Variants in SPAG16 observed in about 807,000 individuals in gnomAD.
SPAG16 encodes sperm associated antigen 16.
SPAG16 carries 86 observed loss-of-function variants against 80.4 expected under a neutral mutation model. The observed-to-expected ratio is 1.07, with a 90% confidence interval of 0.90 to 1.28. SPAG16 has a LOEUF of 1.28. Ranked by LOEUF, SPAG16 falls within the 50% of genes most tolerant of loss-of-function variation. The pLI is 0.00. For missense variants in SPAG16, 870 were observed against 765.3 expected (o/e 1.14, Z -1.61); for synonymous variants, 294 against 265.9 (o/e 1.11, Z -1.03).
At chr2:213,671,404 C>G (rs2063807242) in intron 10 of SPAG16, among the ~76,000 whole-genome samples, 1 of 152,102 alleles carries the variant, frequency 6.6e-6, no homozygotes, top group Non-Finnish European at 1.5e-5. Flanking sequence ...TCTCTAAGAA[C>G]TCTCAGAGTA....
chr2:213,976,135 T>TATATATACACACACACACACACAC (rs749957411), intron 12 of SPAG16, among the ~76,000 whole-genome samples: 1 of 81,416 alleles, frequency 1.2e-5, no homozygotes, highest in Admixed American at 1.4e-4. Flanking sequence ...TATATATATA[T>TATATATACACACACACACACACAC]ACACACACAC....
intron 10 of SPAG16, among the ~76,000 whole-genome samples, chr2:213,837,304 T>A (rs2074137133): frequency 6.6e-6 from 1 of 152,248 alleles, no homozygotes; most frequent in African/African-American, 2.4e-5. Context: ...ATACCAAGTA[T>A]AAAAGGAATT....
intron 15 of SPAG16, among the ~76,000 whole-genome samples, chr2:214,357,616 T>TTG (rs1431405890): frequency 6.6e-6 from 1 of 152,022 alleles, no homozygotes; most frequent in Non-Finnish European, 1.5e-5. Flanking sequence ...TTTTCTGATA[T>TTG]TGTCCTTTAT....
At chr2:213,337,658 C>T (rs2064438797) in intron 5 of SPAG16, among the ~76,000 whole-genome samples, 1 of 151,566 alleles carries the variant, frequency 6.6e-6, no homozygotes, top group Admixed American at 6.6e-5. Context: ...ATAAGACAGG[C>T]AGACAAGAGG....
intron 10 of SPAG16, among the ~76,000 whole-genome samples, chr2:213,768,340 G>C (rs1306753241): frequency 2.0e-5 from 3 of 152,098 alleles, no homozygotes; most frequent in African/African-American, 7.2e-5. Context: ...ATTTCATAAT[G>C]AGCCTTTCTA....
intron 10 of SPAG16, among the ~76,000 whole-genome samples, chr2:213,714,661 T>A (rs1019744794): frequency 6.6e-6 from 1 of 152,150 alleles, no homozygotes; most frequent in Admixed American, 6.5e-5. Flanking sequence ...CAAACATGAT[T>A]GTAAGAACTA....
intron 10 of SPAG16, among the ~76,000 whole-genome samples, chr2:213,839,334 A>G (rs1462303118): frequency 6.6e-6 from 1 of 152,202 alleles, no homozygotes; most frequent in Admixed American, 6.5e-5. Flanking sequence ...TAGAATTTTA[A>G]TGAAGTTATT....
intron 15 of SPAG16, among the ~76,000 whole-genome samples, chr2:214,222,110 CTTTTTTTT>C (rs10694178): frequency 4.8e-5 from 5 of 103,628 alleles, no homozygotes; most frequent in East Asian, 2.9e-4. Context: ...CCTTGCTATT[CTTTTTTTT>C]TTTTTTTTTT....
intron 6 of SPAG16, among the ~76,000 whole-genome samples, chr2:213,344,200 G>A (rs1036161024): frequency 6.6e-6 from 1 of 151,944 alleles, no homozygotes; most frequent in Non-Finnish European, 1.5e-5. Flanking sequence ...AATAGCCAGG[G>A]GTAATTTGCA....
intron 10 of SPAG16, among the ~76,000 whole-genome samples, chr2:213,756,680 T>C (rs573512270): frequency 6.6e-6 from 1 of 152,178 alleles, no homozygotes; most frequent in Non-Finnish European, 1.5e-5. Context: ...ACCCCCTAAA[T>C]GGCTAATGTA....
intron 15 of SPAG16, among the ~76,000 whole-genome samples, chr2:214,276,556 C>T (rs1248782278): frequency 6.6e-6 from 1 of 152,122 alleles, no homozygotes; most frequent in African/African-American, 2.4e-5. Context: ...ACTTACGATG[C>T]TTAGTTTGGC....
At chr2:214,123,929 T>C (rs2054350767) in intron 14 of SPAG16, among the ~76,000 whole-genome samples, 1 of 152,038 alleles carries the variant, frequency 6.6e-6, no homozygotes, top group African/African-American at 2.4e-5. Flanking sequence ...ATTGGTAATG[T>C]CACCTATACA....
At chr2:214,034,171 G>C (rs1234175410) in intron 13 of SPAG16, among the ~76,000 whole-genome samples, 1 of 152,206 alleles carries the variant, frequency 6.6e-6, no homozygotes, top group East Asian at 1.9e-4. Context: ...CCTCAGAAGT[G>C]ATGCTCTTTT....
chr2:214,042,013 C>CACAG (rs1172786622), intron 13 of SPAG16, among the ~76,000 whole-genome samples: 1,345 of 133,672 alleles, frequency 0.01, 26 homozygotes, highest in African/African-American at 0.027. Flanking sequence ...TATATACACA[C>CACAG]ACACACAAAT....
rs1159240137 is a variant in SPAG16, at chr2:213,724,776, C to CA, written c.1071-137684dup. On this transcript the variant is annotated intron_variant, in intron 10 of 15. Coordinates refer to ENST00000331683, the MANE Select transcript of SPAG16 (RefSeq NM_024532.5). ...TGGGTGACAGAGTGAGACTCTGTCT[C>CA]AAAAAAAAAAAAAAAAAAAAAAAAA... Among the ~76,000 whole-genome samples, 86 of 39,850 alleles carry CA rather than the reference C, an allele frequency of 2.2e-3. 2 individuals carry two copies. The highest frequency in any genetic ancestry group is 7.6e-3 in the African/African-American group (67 of 8,836). 26.1% of individuals were successfully genotyped at this position (39,850 alleles called of 152,430 possible).
At chr2:213,835,056 A>G (rs547521643) in intron 10 of SPAG16, among the ~76,000 whole-genome samples, 1 of 152,260 alleles carries the variant, frequency 6.6e-6, no homozygotes, top group Non-Finnish European at 1.5e-5. Flanking sequence ...TTACAATAGA[A>G]TATTTGGGGG....
intron 10 of SPAG16, among the ~76,000 whole-genome samples, chr2:213,533,155 A>T (rs2076128085): frequency 6.6e-6 from 1 of 152,210 alleles, no homozygotes; most frequent in Admixed American, 6.5e-5. Context: ...ATTAGCACAT[A>T]TATGCATGAA....
chr2:214,011,352 A>C (rs2047272307), intron 12 of SPAG16, among the ~76,000 whole-genome samples: 1 of 146,234 alleles, frequency 6.8e-6, no homozygotes, highest in African/African-American at 2.7e-5. Context: ...TTATTCTGTA[A>C]GTTTTGGCAC....
chr2:213,742,860 G>A (rs1291447005), intron 10 of SPAG16, among the ~76,000 whole-genome samples: 1 of 151,862 alleles, frequency 6.6e-6, no homozygotes, highest in Non-Finnish European at 1.5e-5. Context: ...ACCGTGCTCG[G>A]CTGCTTATTT....
Sources: gnomAD v4.1 joint callset for allele counts (sites outside exome capture counted in the v4.1 genomes callset) on GRCh38, gnomAD v4.1.1 for gene constraint, MANE v1.5 for transcripts, NCBI Gene and HGNC (gene_info 2026-07-23, HGNC 2026-07-21) for gene names.